The following GABRB3 variants were observed in gnomAD, a reference collection of about 807,000 sequenced individuals.
GABRB3 encodes gamma-aminobutyric acid type A receptor subunit beta3, also known as gamma-aminobutyric acid receptor subunit beta-3.
Under a neutral mutation model 52.1 loss-of-function variants are expected in GABRB3, and 14 were observed. The ratio of observed to expected loss-of-function variants is 0.27; its 90% CI spans 0.18 to 0.42. GABRB3 has a LOEUF of 0.42. GABRB3 is among the 10% of genes least tolerant of loss of function. GABRB3 has a pLI of 1.00. For missense variants in GABRB3, 307 were observed against 609.1 expected, an observed-to-expected ratio of 0.50 and a Z score of 5.22; for synonymous variants, 260 against 232.3, an observed-to-expected ratio of 1.12 and a Z score of -1.08.
At chr15:26,738,017 G>T (rs957827037) in intron 3 of GABRB3, among the ~76,000 whole-genome samples, 3 of 152,086 alleles carry the variant, frequency 2.0e-5, no homozygotes, top group African/African-American at 7.2e-5. Context: ...AAATTACTAG[G>T]CAAAATTTAT....
At chr15:26,717,677 G>A (rs74004650) in intron 3 of GABRB3, among the ~76,000 whole-genome samples, 3,282 of 152,140 alleles carry the variant, frequency 0.022, 117 homozygotes, top group African/African-American at 0.075. Flanking sequence ...CCCATCACAC[G>A]TAATGCGTCA....
rs553615080 is a variant in GABRB3 at position 26,642,929 on chromosome 15, G to A, written c.241-21395C>T. ...TTGATTTCGCTACTACACCGGTATT[G>A]CCAGTCTGTCTCAGTCCCTCGGGGC... On this transcript the variant is annotated intron_variant, in intron 3 of 8. Coordinates refer to ENST00000311550, the MANE Select transcript of GABRB3 (RefSeq NM_000814.6). 7.1e-4 allele frequency among the ~76,000 whole-genome samples: 108 copies of A among 151,986 alleles called. 4 individuals carry two copies. The highest frequency in any genetic ancestry group is 2.6e-4 in the Non-Finnish European group (18 of 67,992).
At chr15:26,703,983 G>GT (rs762051559) in intron 3 of GABRB3, among the ~76,000 whole-genome samples, 2 of 152,212 alleles carry the variant, frequency 1.3e-5, no homozygotes, top group Non-Finnish European at 2.9e-5. Context: ...TGGGGTCTTG[G>GT]TGGCAGCCAG....
At chr15:26,573,532 T>C (rs1325496531) in intron 6 of GABRB3, among the ~76,000 whole-genome samples, 1 of 152,184 alleles carries the variant, frequency 6.6e-6, no homozygotes, top group African/African-American at 2.4e-5. Flanking sequence ...GTTTCAACAA[T>C]CCAGCCTCTC....
intron 3 of GABRB3, among the ~76,000 whole-genome samples, chr15:26,686,398 T>C (rs1456110111): frequency 6.6e-6 from 1 of 152,226 alleles, no homozygotes; most frequent in Non-Finnish European, 1.5e-5. Context: ...CTCTTTGCTG[T>C]TGTTGAGAAT....
chr15:26,550,980 C>T (rs1889441218), intron 8 of GABRB3, among the ~76,000 whole-genome samples: 1 of 152,188 alleles, frequency 6.6e-6, no homozygotes, highest in African/African-American at 2.4e-5. Flanking sequence ...GCAGCAAAAA[C>T]ATCAAAAGCA....
At chr15:26,578,820 T>C (rs563181801) in intron 6 of GABRB3, among the ~76,000 whole-genome samples, 3 of 152,354 alleles carry the variant, frequency 2.0e-5, no homozygotes, top group East Asian at 3.9e-4. Context: ...AACCCAGTTT[T>C]AGAAGTAACA....
chr15:26,584,524 GCTC>G, intron 4 of GABRB3, among the ~76,000 whole-genome samples: 1 of 152,182 alleles, frequency 6.6e-6, no homozygotes, highest in South Asian at 2.1e-4. Flanking sequence ...CAAATATTTG[GCTC>G]CTATTTTATC....
At position 26,545,191 on chromosome 15, in the gene GABRB3, TATTTG is replaced by T. The variant is rs1889184144; in HGVS notation, c.*2597_*2601del. 1 of 134,728 alleles carries T rather than the reference TATTTG, an allele frequency of 7.4e-6. No homozygotes were observed. Among genetic ancestry groups the T allele is most frequent in the South Asian group, 2.2e-4 (1 of 4,514 alleles). The allele number at this position is 134,728 out of a possible 1,614,324, so 8.3% of individuals were successfully genotyped here. A position where few individuals can be genotyped will look rare whatever the true frequency, so the allele number is the denominator to read the frequency against. Reference sequence around the variant, plus strand: ...TTTGTTTTTACAGAATATATGTATGTATTTGTGTGTGTGTGTGTGTGTGTGTGTGT... The same window carrying T: ...TTTGTTTTTACAGAATATATGTATGTTGTGTGTGTGTGTGTGTGTGTGTGT... On this transcript the variant is annotated 3_prime_UTR_variant, in exon 9 of 9. Coordinates refer to ENST00000311550, the MANE Select transcript of GABRB3 (RefSeq NM_000814.6).
At chr15:26,566,474 C>T (rs755579912) in intron 7 of GABRB3, among the ~76,000 whole-genome samples, 12 of 152,176 alleles carry the variant, frequency 7.9e-5, no homozygotes, top group Non-Finnish European at 1.5e-4. Context: ...GCATATACTC[C>T]TAGCACTCTG....
intron 3 of GABRB3, among the ~76,000 whole-genome samples, chr15:26,674,781 T>A (rs1351838778): frequency 6.6e-6 from 1 of 151,948 alleles, no homozygotes; most frequent in Non-Finnish European, 1.5e-5. Flanking sequence ...GGCTGCAAAA[T>A]TATGGGAAAG....
chr15:26,580,842 T>C (rs1353809400), intron 5 of GABRB3, among the ~76,000 whole-genome samples: 7 of 152,234 alleles, frequency 4.6e-5, no homozygotes, highest in Admixed American at 2.6e-4. Context: ...CAGAAAGGCA[T>C]ACTCCTCTCA....
intron 3 of GABRB3, among the ~76,000 whole-genome samples, chr15:26,730,342 C>T (rs946049633): frequency 9.3e-5 from 14 of 150,312 alleles, no homozygotes; most frequent in Non-Finnish European, 1.9e-4. Context: ...GGCGTGAACC[C>T]GGGAGGCGGA....
At chr15:26,709,356 C>T (rs770439481) in intron 3 of GABRB3, among the ~76,000 whole-genome samples, 1 of 152,112 alleles carries the variant, frequency 6.6e-6, no homozygotes, top group Non-Finnish European at 1.5e-5. Flanking sequence ...TACCTCCCCT[C>T]TCTTGTTCCC....
rs1430906109 is a variant in GABRB3, at chr15:26,545,942, T to C, written c.*1851A>G. 2 of 152,636 alleles carry C rather than the reference T, an allele frequency of 1.3e-5. No individual in the cohort carries two copies. Among genetic ancestry groups the C allele is most frequent in the Non-Finnish European group, 2.9e-5 (2 of 68,058 alleles). 9.5% of individuals were successfully genotyped at this position (152,636 alleles called of 1,614,324 possible). A position where few individuals can be genotyped will look rare whatever the true frequency, so the allele number is the denominator to read the frequency against. On this transcript the variant is annotated 3_prime_UTR_variant, in exon 9 of 9. Coordinates refer to ENST00000311550, the MANE Select transcript of GABRB3 (RefSeq NM_000814.6). ...TTATCTGATGGTGGGTTTTGAACTG[T>C]TGCAGATGCCCACAAATTAAAGGTT...
intron 3 of GABRB3, among the ~76,000 whole-genome samples, chr15:26,670,794 C>T (rs544990971): frequency 1.3e-5 from 2 of 152,320 alleles, no homozygotes; most frequent in African/African-American, 4.8e-5. Context: ...TTTTCCTATG[C>T]CTCTTTCTTT....
Position 26,615,931 on chromosome 15 carries a change from T to C in GABRB3, c.461+5383A>G, listed in dbSNP as rs142074634. The C allele has an allele frequency of 1.0e-3, 1,294 of 1,287,906 alleles. 18 individuals are homozygous for C. In the East Asian group the frequency reaches 0.038, roughly 38 times the overall value. 79.8% of individuals were successfully genotyped at this position (1,287,906 alleles called of 1,614,324 possible). A position where few individuals can be genotyped will look rare whatever the true frequency, so the allele number is the denominator to read the frequency against. ...AAAGCAATCTCTGCTGGGCAGGACC[T>C]TCCTCAGCAGTACTTTACAAGCAGG... On this transcript the variant is annotated intron_variant, in intron 4 of 8. Coordinates refer to ENST00000311550, the MANE Select transcript of GABRB3 (RefSeq NM_000814.6).
At chr15:26,614,724 GT>G (rs1255134285) in intron 4 of GABRB3, 1 of 152,188 alleles carries the variant, frequency 6.6e-6, no homozygotes, top group African/African-American at 2.4e-5. Context: ...TAAGATGCTA[GT>G]CAAACGAATT....
chr15:26,673,320 T>C (rs1292210529), intron 3 of GABRB3, among the ~76,000 whole-genome samples: 2 of 152,200 alleles, frequency 1.3e-5, no homozygotes, highest in African/African-American at 2.4e-5. Context: ...TTTAACACAT[T>C]GTTTTAAACC....
Sources: gnomAD v4.1 joint callset for allele counts (sites outside exome capture counted in the v4.1 genomes callset) on GRCh38, gnomAD v4.1.1 for gene constraint, MANE v1.5 for transcripts, NCBI Gene and HGNC (gene_info 2026-07-23, HGNC 2026-07-21) for gene names.